ANK3: variants seen among roughly 807,000 people sequenced by gnomAD.
ANK3 encodes the protein ankyrin-3.
A neutral mutation model predicts 370.9 loss-of-function variants in ANK3; 57 were observed. That is an observed-to-expected ratio of 0.15 (90% CI 0.12 to 0.19). The LOEUF (loss-of-function observed/expected upper bound fraction) is 0.19. ANK3 is among the 10% of genes least tolerant of loss of function. The pLI is 1.00. For missense variants in ANK3, 4,439 were observed against 5,302.1 expected, an observed-to-expected ratio of 0.84 and a Z score of 5.06; for synonymous variants, 1,929 against 1,946.3, an observed-to-expected ratio of 0.99 and a Z score of 0.23.
chr10:60,316,326 G>T (rs1283848199), intron 1 of ANK3, among the ~76,000 whole-genome samples: 2 of 152,138 alleles, frequency 1.3e-5, no homozygotes, highest in African/African-American at 4.8e-5. Flanking sequence ...AAACAAAAAA[G>T]CAGGAAGTCT....
chr10:60,045,136 T>A (rs1391570329), intron 42 of ANK3, among the ~76,000 whole-genome samples: 2 of 152,244 alleles, frequency 1.3e-5, no homozygotes, highest in Non-Finnish European at 2.9e-5. Context: ...CTGTCATTTT[T>A]AAACCAGAAC....
chr10:60,087,649 GA>G (rs370058536), intron 29 of ANK3, among the ~76,000 whole-genome samples: 6 of 151,990 alleles, frequency 3.9e-5, no homozygotes, highest in African/African-American at 1.4e-4. Context: ...ATTCAATAAA[GA>G]AAAAAAGAAC....
chr10:60,453,340 A>C (rs1048770775), intron 2 of ANK3, among the ~76,000 whole-genome samples: 10 of 152,214 alleles, frequency 6.6e-5, no homozygotes, highest in Admixed American at 5.2e-4. Flanking sequence ...CTGGAGAAGA[A>C]AATTCTATGA....
chr10:60,548,096 C>T (rs2077008951), intron 2 of ANK3, among the ~76,000 whole-genome samples: 1 of 151,660 alleles, frequency 6.6e-6, no homozygotes, highest in Non-Finnish European at 1.5e-5. Flanking sequence ...TGAAAACGTT[C>T]ACAGAGAACT....
chr10:60,472,127 T>C (rs1595100087), intron 2 of ANK3, among the ~76,000 whole-genome samples: 2 of 152,136 alleles, frequency 1.3e-5, no homozygotes, highest in East Asian at 3.9e-4. Flanking sequence ...CAAGTAAGAC[T>C]TGGAAATAAA....
At chr10:60,642,640 G>GA (rs1554799067) in intron 1 of ANK3, among the ~76,000 whole-genome samples, 1 of 121,224 alleles carries the variant, frequency 8.2e-6, no homozygotes, top group Non-Finnish European at 1.9e-5. Flanking sequence ...TGTGGGGTGG[G>GA]GGGGCGAGGG....
intron 2 of ANK3, among the ~76,000 whole-genome samples, chr10:60,479,642 C>T (rs1432985175): frequency 6.6e-6 from 1 of 152,062 alleles, no homozygotes; most frequent in Non-Finnish European, 1.5e-5. Flanking sequence ...CATTTCTTTA[C>T]TATGAGGCTA....
chr10:60,080,584 G>A lies in ANK3; in HGVS notation c.4385C>T (p.Ser1462Phe), dbSNP rs767525322. Residue 1462 changes from serine (S) to phenylalanine (F), a missense_variant, in exon 36 of 44, where the codon TCC becomes TTC. Transcript: ENST00000280772. ...GCTGTAGCGCTTACGTAAAGCTAAG[G>A]ATGCGAAGCTCTGTCGTCTATCTGT... is the stretch of plus-strand genomic sequence containing the variant. ...EKTDRRQSFA[S>F]LALRKRYSYL... is the part of the protein sequence containing the mutation. 7 of 1,607,074 alleles carry A rather than the reference G, an allele frequency of 4.4e-6. No individual in the cohort carries two copies. Among genetic ancestry groups the A allele is most frequent in the Non-Finnish European group, 5.1e-6 (6 of 1,178,070 alleles).
intron 12 of ANK3, among the ~76,000 whole-genome samples, chr10:60,202,549 A>G (rs989756715): frequency 6.6e-6 from 1 of 152,246 alleles, no homozygotes; most frequent in African/African-American, 2.4e-5. Context: ...GAAGTAAAGG[A>G]AACAAATGTA....
At chr10:60,405,272 G>T (rs2063430503) in intron 2 of ANK3, among the ~76,000 whole-genome samples, 1 of 152,092 alleles carries the variant, frequency 6.6e-6, no homozygotes, top group African/African-American at 2.4e-5. Context: ...AAGCCCAGAT[G>T]TTAATTAACA....
chr10:60,544,704 G>A (rs2076922385), intron 2 of ANK3, among the ~76,000 whole-genome samples: 1 of 152,018 alleles, frequency 6.6e-6, no homozygotes, highest in African/African-American at 2.4e-5. Flanking sequence ...GTAAGTTCTA[G>A]CCATATTCTC....
chr10:60,312,246 G>A (rs2046498765), intron 1 of ANK3, among the ~76,000 whole-genome samples: 1 of 152,200 alleles, frequency 6.6e-6, no homozygotes, highest in South Asian at 2.1e-4. Context: ...CAATTACTGA[G>A]CCCCAGTTCT....
At position 60,116,050 on chromosome 10, in the gene ANK3, A is replaced by T. The variant is rs568270243; in HGVS notation, c.2842-1719T>A. Among the ~76,000 whole-genome samples, 4 of 152,336 alleles carry T rather than the reference A, an allele frequency of 2.6e-5. No individual in the cohort carries two copies. The South Asian group carries it at 8.3e-4, about 32-fold the overall frequency. ...CAGCAGAAAAACAGAAGGATTGGCT[A>T]GAATTCTCTTTAAAAAGTGATTTGA... On this transcript the variant is annotated intron_variant, in intron 25 of 43. Transcript: ENST00000280772.
At chr10:60,512,740 A>G (rs1251806932) in intron 2 of ANK3, among the ~76,000 whole-genome samples, 1 of 152,154 alleles carries the variant, frequency 6.6e-6, no homozygotes, top group East Asian at 1.9e-4. Context: ...ATGCAGAACA[A>G]AGAAATATTA....
intron 2 of ANK3, among the ~76,000 whole-genome samples, chr10:60,534,565 C>A (rs568527682): frequency 1.2e-4 from 19 of 152,194 alleles, no homozygotes; most frequent in African/African-American, 3.6e-4. Context: ...AAAAATAATA[C>A]ATCTCATTAC....
chr10:60,052,091 T>TG (rs2078158665), intron 42 of ANK3, among the ~76,000 whole-genome samples: 1 of 152,216 alleles, frequency 6.6e-6, no homozygotes, highest in South Asian at 2.1e-4. Context: ...CTGGGCACGG[T>TG]GGCTCACACC....
chr10:60,427,143 T>G (rs971011248), intron 2 of ANK3, among the ~76,000 whole-genome samples: 1 of 152,172 alleles, frequency 6.6e-6, no homozygotes, highest in Non-Finnish European at 1.5e-5. Context: ...AGAGCAATAT[T>G]TATACCCAAC....
At chr10:60,254,460 T>A (rs2097708928) in intron 7 of ANK3, among the ~76,000 whole-genome samples, 1 of 152,184 alleles carries the variant, frequency 6.6e-6, no homozygotes, top group Admixed American at 6.5e-5. Flanking sequence ...CAGTAGCTGA[T>A]GTCCTTTCTA....
intron 2 of ANK3, among the ~76,000 whole-genome samples, chr10:60,499,144 T>C (rs2075733041): frequency 6.6e-6 from 1 of 152,224 alleles, no homozygotes; most frequent in Admixed American, 6.5e-5. Flanking sequence ...TCAGAGGTTC[T>C]AGTAGCCTCA....
Sources: gnomAD v4.1 joint callset for allele counts (sites outside exome capture counted in the v4.1 genomes callset) on GRCh38, gnomAD v4.1.1 for gene constraint, MANE v1.5 for transcripts, NCBI Gene and HGNC (gene_info 2026-07-23, HGNC 2026-07-21) for gene names.